C6orf89: variants seen among roughly 807,000 people sequenced by gnomAD.
C6orf89 encodes the protein chromosome 6 open reading frame 89.
C6orf89 carries 29 observed loss-of-function variants against 40.7 expected under a neutral mutation model. The observed-to-expected ratio is 0.71, with a 90% CI of 0.53 to 0.97. The LOEUF is 0.97. C6orf89 is among the 50% of genes least tolerant of loss of function. The pLI, the probability that C6orf89 is intolerant of heterozygous loss-of-function variation, is 0.00. For synonymous variants in C6orf89, 165 were observed against 152.2 expected, an observed-to-expected ratio of 1.08 and a Z score of -0.62; for missense variants, 392 against 429.1, an observed-to-expected ratio of 0.91 and a Z score of 0.76.
At chr6:36,914,008 A>C (rs1286429886) in intron 4 of C6orf89, among the ~76,000 whole-genome samples, 1 of 152,168 alleles carries the variant, frequency 6.6e-6, no homozygotes, top group East Asian at 1.9e-4. Context: ...TAAAAATACA[A>C]AAATTAGCCA....
intron 2 of C6orf89, among the ~76,000 whole-genome samples, chr6:36,880,418 G>A (rs1027944709): frequency 1.8e-5 from 2 of 113,790 alleles, no homozygotes; most frequent in Non-Finnish European, 3.7e-5. Context: ...TCTTCTGCCT[G>A]TCTGTCTAAT....
upstream of C6orf89, chr6:36,885,870 C>A: frequency 1.8e-6 from 1 of 567,330 alleles, no homozygotes. Context: ...GGCGGAAGCG[C>A]TGGACGAGAG....
chr6:36,921,958 T>A (rs572534345), intron 8 of C6orf89, among the ~76,000 whole-genome samples: 29 of 152,048 alleles, frequency 1.9e-4, no homozygotes, highest in African/African-American at 6.5e-4. Flanking sequence ...AGCCCAGGAA[T>A]TTGAGGCTGC....
intron 2 of C6orf89, among the ~76,000 whole-genome samples, chr6:36,896,990 C>T (rs1005825317): frequency 1.3e-5 from 2 of 151,432 alleles, no homozygotes; most frequent in African/African-American, 4.9e-5. Context: ...ATTTGCTGGG[C>T]GTGGTGGTGG....
chr6:36,920,056 G>A (rs970419171), intron 8 of C6orf89, among the ~76,000 whole-genome samples: 3 of 152,190 alleles, frequency 2.0e-5, no homozygotes, highest in African/African-American at 7.2e-5. Flanking sequence ...ACTGTCAGTC[G>A]AGCAGAGCGT....
At chr6:36,873,482 A>G (rs572021654) in intron 1 of C6orf89, among the ~76,000 whole-genome samples, 19 of 152,380 alleles carry the variant, frequency 1.2e-4, no homozygotes, top group African/African-American at 4.3e-4. Flanking sequence ...AGAGAGGTTT[A>G]TATGTACATA....
chr6:36,879,914 G>C (rs1291745004), intron 2 of C6orf89, among the ~76,000 whole-genome samples: 1 of 152,326 alleles, frequency 6.6e-6, no homozygotes, highest in South Asian at 2.1e-4. Flanking sequence ...GCCTCTGCAA[G>C]CTCAAAATTA....
chr6:36,878,077 A>C (rs2150667423), intron 1 of C6orf89, among the ~76,000 whole-genome samples: 1 of 152,322 alleles, frequency 6.6e-6, no homozygotes, highest in South Asian at 2.1e-4. Flanking sequence ...TCTGCAATGC[A>C]TCTAGAACTT....
chr6:36,920,612 A>G (rs1254993004), intron 8 of C6orf89, among the ~76,000 whole-genome samples: 1 of 152,222 alleles, frequency 6.6e-6, no homozygotes, highest in Non-Finnish European at 1.5e-5. Context: ...TTTAGGTTAC[A>G]TAACTTTTAT....
intron 4 of C6orf89, among the ~76,000 whole-genome samples, chr6:36,910,132 C>CTT (rs879534607): frequency 6.9e-6 from 1 of 145,370 alleles, no homozygotes. Flanking sequence ...GTTCCTCTAG[C>CTT]TTTTTTTTTT....
chr6:36,891,102 G>A (rs1021082869), intron 1 of C6orf89, among the ~76,000 whole-genome samples: 11 of 151,932 alleles, frequency 7.2e-5, no homozygotes, highest in South Asian at 4.1e-4. Context: ...CTATTAACTC[G>A]TCATTTACAT....
Position 36,923,372 on chromosome 6 carries a change from G to T in C6orf89, c.975G>T (p.Lys325Asn). The change falls in exon 9 of 9, where the codon AAG becomes AAT. Residue 325 changes from lysine to asparagine, a missense_variant. Transcript: ENST00000480824. ...GCTATGTCGACACCACCCACTGGAA[G>T]GTCTACGTTATAGCCAGAGGGGTCC... ...DIGYVDTTHW[K>N]VYVIARGVQP... The T allele has an allele frequency of 6.2e-7, 1 of 1,614,080 alleles. No individual in the cohort carries two copies.
chr6:36,886,214 G>A (rs1409063746), intron 1 of C6orf89, among the ~76,000 whole-genome samples, 186 bp downstream of exon 1: 2 of 152,288 alleles, frequency 1.3e-5, no homozygotes, highest in East Asian at 3.9e-4. Context: ...GCTCCCCCGG[G>A]GTCGACTCCC....
intron 8 of C6orf89, among the ~76,000 whole-genome samples, chr6:36,920,270 T>G (rs904544149): frequency 4.6e-5 from 7 of 152,194 alleles, no homozygotes; most frequent in Admixed American, 2.0e-4. Context: ...CCTGGCTCAG[T>G]GTTTGCCCAA....
At position 36,923,867 on chromosome 6, in the gene C6orf89, C is replaced by A; in HGVS notation, c.*426C>A. ...CTTTACCAGGTGGGCCTGCTTGTCC[C>A]TGTCTTGCCTGCCACATCACTCTAC... On this transcript the variant is annotated 3_prime_UTR_variant, in exon 9 of 9. Transcript: ENST00000480824. 1 of 270,998 alleles carries A rather than the reference C, an allele frequency of 3.7e-6. No individual in the cohort carries two copies. The highest frequency in any genetic ancestry group is 7.3e-6 in the Non-Finnish European group (1 of 136,902). 16.8% of individuals were successfully genotyped at this position (270,998 alleles called of 1,614,324 possible). A position where few individuals can be genotyped will look rare whatever the true frequency, so the allele number is the denominator to read the frequency against.
At chr6:36,901,379 G>A (rs1370659924) in intron 3 of C6orf89, among the ~76,000 whole-genome samples, 29 of 121,490 alleles carry the variant, frequency 2.4e-4, no homozygotes, top group Admixed American at 1.1e-3. Context: ...CTGTTGCCCA[G>A]GCTAGAGTGC....
chr6:36,874,882 A>G (rs923072865), intron 1 of C6orf89: 2 of 1,276,662 alleles, frequency 1.6e-6, no homozygotes, highest in African/African-American at 3.0e-5. Flanking sequence ...TTTCGATACC[A>G]GGATTTGGGT....
At chr6:36,895,661 T>C (rs1340829738) in intron 2 of C6orf89, among the ~76,000 whole-genome samples, 2 of 152,246 alleles carry the variant, frequency 1.3e-5, no homozygotes, top group African/African-American at 4.8e-5. Flanking sequence ...TCATCCATAT[T>C]GTATCATGTA....
At chr6:36,873,165 A>G (rs1480202578) in intron 1 of C6orf89, among the ~76,000 whole-genome samples, 1 of 152,258 alleles carries the variant, frequency 6.6e-6, no homozygotes, top group Non-Finnish European at 1.5e-5. Context: ...TTGGAAAGAC[A>G]ATCAGGAAGT....
Sources: gnomAD v4.1 joint callset for allele counts (sites outside exome capture counted in the v4.1 genomes callset) on GRCh38, gnomAD v4.1.1 for gene constraint, MANE v1.5 for transcripts, NCBI Gene and HGNC (gene_info 2026-07-23, HGNC 2026-07-21) for gene names.